The following TRMT10B variants were observed in gnomAD, a reference collection of about 807,000 sequenced individuals.
TRMT10B encodes tRNA methyltransferase 10 homolog B.
In TRMT10B, 33 loss-of-function variants were observed where a neutral mutation model predicts 43.8. That is an observed-to-expected ratio of 0.75 (90% CI 0.57 to 1.01). TRMT10B has a LOEUF of 1.01. Among genes scored for constraint, TRMT10B ranks in the 50% least tolerant of loss-of-function variants. The pLI, the probability that TRMT10B is intolerant of heterozygous loss-of-function variation, is 0.00. For missense variants in TRMT10B, 362 were observed against 369.8 expected (o/e 0.98, Z 0.17); for synonymous variants, 137 against 130.6 (o/e 1.05, Z -0.34).
intron 7 of TRMT10B, among the ~76,000 whole-genome samples, chr9:37,773,539 A>T (rs557804347): frequency 1.3e-5 from 2 of 152,334 alleles, no homozygotes; most frequent in African/African-American, 4.8e-5. Flanking sequence ...GAAATACTTC[A>T]AAGTAAAAAG....
intron 1 of TRMT10B, among the ~76,000 whole-genome samples, chr9:37,756,967 G>A (rs917364092): frequency 1.3e-5 from 2 of 151,222 alleles, no homozygotes; most frequent in East Asian, 1.9e-4. Flanking sequence ...CCAGGAGTTC[G>A]ATACTGGCCT....
intron 7 of TRMT10B, among the ~76,000 whole-genome samples, chr9:37,775,734 C>G (rs1190525961): frequency 6.6e-6 from 1 of 152,090 alleles, no homozygotes; most frequent in Non-Finnish European, 1.5e-5. Context: ...ACAGGATCTC[C>G]CTATGTTGCT....
intron 8 of TRMT10B, 58 bp downstream of exon 8, chr9:37,776,463 CTG>C (rs1474905587): frequency 1.9e-6 from 3 of 1,551,386 alleles, no homozygotes; most frequent in East Asian, 4.7e-5. Flanking sequence ...CTGCTTTGCA[CTG>C]TGTTTAAGTG....
chr9:37,764,693 C>A (rs879793314), intron 4 of TRMT10B, among the ~76,000 whole-genome samples: 2 of 152,066 alleles, frequency 1.3e-5, no homozygotes, highest in South Asian at 4.2e-4. Context: ...CAAAGTGCTG[C>A]GATTACAGGC....
intron 7 of TRMT10B, among the ~76,000 whole-genome samples, chr9:37,775,952 C>G (rs1262289536): frequency 6.6e-6 from 1 of 152,194 alleles, no homozygotes; most frequent in Non-Finnish European, 1.5e-5. Context: ...GCTGGAAGTT[C>G]CAGATATCCA....
Position 37,768,746 on chromosome 9 carries a change from C to T in TRMT10B, c.573+518C>T, listed in dbSNP as rs1394797753. ...TGTAGCTGAGACTGAGCAGTTGTGA[C>T]CTTCCCCAGGAAGGTCCATGGAAGT... On this transcript the variant is annotated intron_variant, in intron 5 of 8. Coordinates refer to ENST00000297994, the MANE Select transcript of TRMT10B (RefSeq NM_144964.4). Among the ~76,000 whole-genome samples, 3 of 152,286 alleles carry T rather than the reference C, an allele frequency of 2.0e-5. No homozygotes were observed. In the East Asian group the frequency reaches 5.8e-4, roughly 29 times the overall value.
chr9:37,768,449 A>G (rs1827218782), intron 5 of TRMT10B, among the ~76,000 whole-genome samples: 1 of 152,186 alleles, frequency 6.6e-6, no homozygotes, highest in South Asian at 2.1e-4. Flanking sequence ...TGTATCCCGT[A>G]TATTTATGCT....
chr9:37,753,665 T>G (rs1017556569), upstream of TRMT10B: 1 of 152,184 alleles, frequency 6.6e-6, no homozygotes, highest in Non-Finnish European at 1.5e-5. Context: ...AGGACGCAGC[T>G]CCCTACCGCC....
At chr9:37,766,998 C>T (rs1827047576) in intron 4 of TRMT10B, 1 of 152,150 alleles carries the variant, frequency 6.6e-6, no homozygotes, top group South Asian at 2.1e-4. Context: ...TACTATTAGG[C>T]TATTTGAAGT....
chr9:37,770,839 C>CA (rs1329322143), intron 7 of TRMT10B, 100 bp downstream of exon 7: 23 of 1,232,644 alleles, frequency 1.9e-5, no homozygotes, highest in Non-Finnish European at 2.4e-5. Flanking sequence ...TCTAAGAACT[C>CA]AGAGGGAACA....
At chr9:37,766,649 A>C (rs1827016102) in intron 4 of TRMT10B, among the ~76,000 whole-genome samples, 1 of 152,168 alleles carries the variant, frequency 6.6e-6, no homozygotes, top group Non-Finnish European at 1.5e-5. Flanking sequence ...GATGGCATTG[A>C]ATCTATAAAT....
upstream of TRMT10B, among the ~76,000 whole-genome samples, chr9:37,753,156 G>T (rs774322043): frequency 1.6e-4 from 24 of 151,576 alleles, no homozygotes; most frequent in Non-Finnish European, 2.8e-4. Flanking sequence ...TGAAGCTAGC[G>T]AGACCATGAA....
intron 4 of TRMT10B, among the ~76,000 whole-genome samples, chr9:37,766,722 C>T (rs1827025256): frequency 6.6e-6 from 1 of 152,148 alleles, no homozygotes; most frequent in Non-Finnish European, 1.5e-5. Flanking sequence ...ATGGAATGTT[C>T]TTCCATTTGT....
At chr9:37,772,040 C>T (rs1302170502) in intron 7 of TRMT10B, among the ~76,000 whole-genome samples, 1 of 152,098 alleles carries the variant, frequency 6.6e-6, no homozygotes, top group Non-Finnish European at 1.5e-5. Flanking sequence ...GAGACATGGT[C>T]TCACTCTGTT....
intron 7 of TRMT10B, among the ~76,000 whole-genome samples, chr9:37,773,689 C>T (rs1827823245): frequency 6.6e-6 from 1 of 152,082 alleles, no homozygotes; most frequent in South Asian, 2.1e-4. Context: ...TAAAAATTAG[C>T]TGAGTGTGGT....
intron 6 of TRMT10B, 100 bp downstream of exon 6, chr9:37,770,119 C>A: frequency 2.0e-6 from 2 of 1,012,846 alleles, no homozygotes; most frequent in Non-Finnish European, 3.1e-6. Flanking sequence ...GGACACCCCT[C>A]CCCACCCCCA....
chr9:37,758,001 A>C (rs1229113686), intron 1 of TRMT10B, among the ~76,000 whole-genome samples: 1 of 152,264 alleles, frequency 6.6e-6, no homozygotes, highest in Non-Finnish European at 1.5e-5. Flanking sequence ...CAAGAAAAGC[A>C]ATATGAACTC....
At chr9:37,756,819 T>TGTGTGTATGC (rs760512363) in intron 1 of TRMT10B, among the ~76,000 whole-genome samples, 1 of 95,784 alleles carries the variant, frequency 1.0e-5, no homozygotes, top group Admixed American at 9.5e-5. Flanking sequence ...TGTGTGCATA[T>TGTGTGTATGC]GTGTGTATGC....
At chr9:37,765,070 A>G (rs1301424467) in intron 4 of TRMT10B, among the ~76,000 whole-genome samples, 1 of 152,118 alleles carries the variant, frequency 6.6e-6, no homozygotes, top group Admixed American at 6.5e-5. Context: ...CCTTAGGGAT[A>G]AAGAGATTAT....
Sources: gnomAD v4.1 joint callset for allele counts (sites outside exome capture counted in the v4.1 genomes callset) on GRCh38, gnomAD v4.1.1 for gene constraint, MANE v1.5 for transcripts, NCBI Gene and HGNC (gene_info 2026-07-23, HGNC 2026-07-21) for gene names.